Variants in WAC observed in about 807,000 individuals in gnomAD.
WAC encodes the protein WW domain-containing adapter protein with coiled-coil.
A neutral mutation model predicts 79.6 loss-of-function variants in WAC; 11 were observed. The observed-to-expected ratio is 0.14, with a 90% CI of 0.09 to 0.23. WAC has a LOEUF of 0.23. Among genes scored for constraint, WAC ranks in the 10% least tolerant of loss-of-function variants. WAC has a pLI of 1.00. For missense variants in WAC, 728 were observed against 773.5 expected (o/e 0.94, Z 0.70); for synonymous variants, 304 against 276.9 (o/e 1.10, Z -0.97).
intron 3 of WAC, among the ~76,000 whole-genome samples, chr10:28,558,909 G>A (rs1315943052): frequency 6.6e-6 from 1 of 152,138 alleles, no homozygotes; most frequent in Non-Finnish European, 1.5e-5. Flanking sequence ...GAAAATATCA[G>A]AAAATCCTAG....
intron 3 of WAC, among the ~76,000 whole-genome samples, chr10:28,557,170 T>C (rs1838044512): frequency 6.6e-6 from 1 of 152,138 alleles, no homozygotes; most frequent in Non-Finnish European, 1.5e-5. Flanking sequence ...ATATAGGTGT[T>C]TATATCCTGA....
Position 28,534,040 on chromosome 10 carries a change from A to T in WAC, c.78+6A>T. On this transcript the variant is annotated splice_donor_region_variant and intron_variant, in intron 2 of 13. Transcript: ENST00000354911. ...GGGACTCGCAGCCTTACCAGGTACC[A>T]GCCGAGGCCGGGGTGGAGGGATTGG... is the stretch of plus-strand genomic sequence containing the variant. The T allele has an allele frequency of 1.9e-6, 3 of 1,579,344 alleles. No individual in the cohort carries two copies. Among genetic ancestry groups the T allele is most frequent in the African/African-American group, 1.4e-5 (1 of 71,076 alleles).
chr10:28,595,897 A>G lies in WAC; in HGVS notation c.775A>G (p.Thr259Ala). The change falls in exon 7 of 14, where the codon ACC becomes GCC. Residue 259 changes from threonine to alanine, a missense_variant. Coordinates refer to ENST00000354911, the MANE Select transcript of WAC (RefSeq NM_016628.5). ...PIKPVVHPTA[T>A]PSTVPSSPFT... Reference sequence around the variant, plus strand: ...CAAACCAGTGGTTCATCCAACTGCTACCCCAAGCACTGTTCCTTCTAGTCC... The same window carrying G: ...CAAACCAGTGGTTCATCCAACTGCTGCCCCAAGCACTGTTCCTTCTAGTCC... 6.2e-7 allele frequency: 1 copy of G among 1,614,134 alleles called. No homozygotes were observed. The highest frequency in any genetic ancestry group is 8.5e-7 in the Non-Finnish European group (1 of 1,180,014).
chr10:28,608,964 CCTTG>C (rs1227443641), intron 8 of WAC, among the ~76,000 whole-genome samples: 1 of 152,062 alleles, frequency 6.6e-6, no homozygotes, highest in East Asian at 1.9e-4. Flanking sequence ...TTAATTCCAG[CCTTG>C]CTTTTCAGTA....
Position 28,610,814 on chromosome 10 carries a change from T to C in WAC, c.1281T>C (p.Ser427=), listed in dbSNP as rs1414551443. 6.2e-7 allele frequency: 1 copy of C among 1,605,272 alleles called. No homozygotes were observed. Among genetic ancestry groups the C allele is most frequent in the Non-Finnish European group, 8.5e-7 (1 of 1,177,492 alleles). ...TSLISQAAQL[S]TQAQPSNQSP... is the part of the protein sequence containing the mutation. ...TGATTTCTCAAGCTGCTCAGCTCTC[T>C]ACACAAGGTATTCTTACTCATCTTA... Residue 427 remains serine, a synonymous_variant, in exon 9 of 14, where the codon TCT becomes TCC. Coordinates refer to ENST00000354911, the MANE Select transcript of WAC (RefSeq NM_016628.5).
chr10:28,595,402 T>C (rs1173919300), intron 6 of WAC, among the ~76,000 whole-genome samples: 1 of 150,486 alleles, frequency 6.6e-6, no homozygotes, highest in African/African-American at 2.4e-5. Context: ...TTATAAGATA[T>C]TATAACTCCA....
At chr10:28,571,579 T>C (rs1838968656) in intron 3 of WAC, among the ~76,000 whole-genome samples, 1 of 152,238 alleles carries the variant, frequency 6.6e-6, no homozygotes, top group Admixed American at 6.5e-5. Flanking sequence ...CTGTGTGAGA[T>C]GATTTTTGTA....
At chr10:28,545,960 T>C (rs1028147836) in intron 3 of WAC, among the ~76,000 whole-genome samples, 1 of 152,250 alleles carries the variant, frequency 6.6e-6, no homozygotes, top group Non-Finnish European at 1.5e-5. Flanking sequence ...GTTGGAAAAA[T>C]AGCCTTTCTC....
Position 28,533,569 on chromosome 10 carries a change from G to A in WAC, c.-11G>A, listed in dbSNP as rs766588761. ...CCCCCTCCCCGACACACACTCACAG[G>A]CCGGGCATTGATGGTAATGTATGCG... On this transcript the variant is annotated 5_prime_UTR_variant, in exon 1 of 14. Coordinates refer to ENST00000354911, the MANE Select transcript of WAC (RefSeq NM_016628.5). 8 of 1,555,164 alleles carry A rather than the reference G, an allele frequency of 5.1e-6. No individual in the cohort carries two copies. In the Middle Eastern group the frequency reaches 1.0e-3, roughly 202 times the overall value.
chr10:28,564,461 CATT>C (rs1413025197), intron 3 of WAC, among the ~76,000 whole-genome samples: 14 of 152,210 alleles, frequency 9.2e-5, no homozygotes, highest in African/African-American at 3.4e-4. Context: ...GATGAAAACA[CATT>C]AGTGGAAATT....
intron 7 of WAC, 95 bp from the exon 8 acceptor site, chr10:28,608,091 C>T (rs773179742): frequency 2.0e-4 from 287 of 1,413,856 alleles, no homozygotes; most frequent in Non-Finnish European, 2.6e-4. Flanking sequence ...AGATTACTTA[C>T]GTTAGGTGCC....
chr10:28,597,872 C>G (rs912331808), intron 7 of WAC, among the ~76,000 whole-genome samples: 5 of 152,168 alleles, frequency 3.3e-5, no homozygotes, highest in Admixed American at 3.3e-4. Context: ...AATTCAGATT[C>G]TCTCTCTCTG....
At chr10:28,534,172 T>A in intron 2 of WAC, 138 bp downstream of exon 2, 2 of 847,442 alleles carry the variant, frequency 2.4e-6, no homozygotes, top group Non-Finnish European at 3.5e-6. Context: ...CGGATCCCCT[T>A]AAAATTCCAG....
intron 3 of WAC, among the ~76,000 whole-genome samples, chr10:28,579,025 C>T (rs1280688998): frequency 6.6e-6 from 1 of 152,154 alleles, no homozygotes; most frequent in African/African-American, 2.4e-5. Context: ...TAAACCAAGT[C>T]ATTCCCAATA....
At chr10:28,555,250 C>T (rs1446077163) in intron 3 of WAC, among the ~76,000 whole-genome samples, 1 of 152,160 alleles carries the variant, frequency 6.6e-6, no homozygotes, top group East Asian at 1.9e-4. Flanking sequence ...GCTCATGAGG[C>T]CCTACACGTT....
intron 3 of WAC, among the ~76,000 whole-genome samples, chr10:28,569,815 TAGTA>T (rs1354121950): frequency 3.3e-5 from 5 of 152,374 alleles, no homozygotes; most frequent in Non-Finnish European, 7.3e-5. Flanking sequence ...CAGTACTTTA[TAGTA>T]AGTAACATTT....
chr10:28,538,162 T>C lies in WAC; in HGVS notation c.274+2405T>C, dbSNP rs1241824971. On this transcript the variant is annotated intron_variant, in intron 3 of 13. Transcript: ENST00000354911. ...TTTCCTCATTTTATAGTGAGATATTTAGTCATTATAATTTGTTTTCTGGTG... is the reference window on the plus strand; with the variant it reads ...TTTCCTCATTTTATAGTGAGATATTCAGTCATTATAATTTGTTTTCTGGTG... The C allele has an allele frequency of 1.9e-5, 3 of 158,798 alleles. No individual in the cohort carries two copies. In the Admixed American group the frequency reaches 1.9e-4, roughly 10 times the overall value. 9.8% of individuals were successfully genotyped at this position (158,798 alleles called of 1,614,324 possible).
chr10:28,558,221 CT>C (rs896820907), intron 3 of WAC, among the ~76,000 whole-genome samples: 22 of 151,300 alleles, frequency 1.5e-4, no homozygotes, highest in African/African-American at 4.1e-4. Context: ...TATTTTTCTC[CT>C]TTTTTTTTCT....
At chr10:28,603,983 A>G (rs1403263824) in intron 7 of WAC, among the ~76,000 whole-genome samples, 1 of 41,890 alleles carries the variant, frequency 2.4e-5, no homozygotes, top group African/African-American at 9.3e-5. Flanking sequence ...ATATATATAT[A>G]TATATGTATA....
Sources: gnomAD v4.1 joint callset for allele counts (sites outside exome capture counted in the v4.1 genomes callset) on GRCh38, gnomAD v4.1.1 for gene constraint, MANE v1.5 for transcripts, NCBI Gene and HGNC (gene_info 2026-07-23, HGNC 2026-07-21) for gene names.